THTPA: variants seen among roughly 807,000 people sequenced by gnomAD.
THTPA encodes thiamine-triphosphatase.
A neutral mutation model predicts 16.5 loss-of-function variants in THTPA; 16 were observed. The ratio of observed to expected loss-of-function variants is 0.97; its 90% confidence interval spans 0.66 to 1.47. The LOEUF (loss-of-function observed/expected upper bound fraction) is 1.47, where lower values mean the gene tolerates loss of function less well. Among genes scored for constraint, THTPA ranks in the 40% most tolerant of loss-of-function variants. The pLI, the probability that THTPA is intolerant of heterozygous loss-of-function variation, is 0.00. For missense variants in THTPA, 281 were observed against 280.9 expected (o/e 1.00, Z 0.00); for synonymous variants, 110 against 115.5 (o/e 0.95, Z 0.30).
At chr14:23,520,799 G>A in the THTPA span, 2 of 151,870 alleles carry the variant, frequency 1.3e-5, no homozygotes, top group South Asian at 2.1e-4. The surrounding 1 kb of genome is among the most constrained non-coding windows in gnomAD (Gnocchi z 8.7). Flanking sequence ...TTAAACCGGG[G>A]GGGTGGGGGT....
At chr14:23,549,354 T>C in the THTPA span, among the ~76,000 whole-genome samples, 3 of 152,120 alleles carry the variant, frequency 2.0e-5, no homozygotes, top group East Asian at 5.8e-4. Context: ...TCTGAAATCG[T>C]CCATCTTCTG....
At chr14:23,528,898 G>A in the THTPA span, 1 of 924,532 alleles carries the variant, frequency 1.1e-6, no homozygotes, top group Non-Finnish European at 1.3e-6. Flanking sequence ...TGTGTGTCAG[G>A]GAGGGGATGA....
the THTPA span, among the ~76,000 whole-genome samples, chr14:23,517,372 T>G: frequency 2.0e-5 from 3 of 152,178 alleles, no homozygotes; most frequent in African/African-American, 7.2e-5. Flanking sequence ...CTTCATCTGA[T>G]CTTTTTATAA....
At chr14:23,524,576 C>T in the THTPA span, 18 of 1,534,366 alleles carry the variant, frequency 1.2e-5, no homozygotes, top group South Asian at 6.0e-5. This position sits in a 1 kb window ranked among gnomAD's most constrained non-coding sequence, Gnocchi z 5.6. Context: ...GAAATGTAGT[C>T]GGCGGTGACT....
At chr14:23,520,702 G>A in the THTPA span, among the ~76,000 whole-genome samples, 13 of 151,856 alleles carry the variant, frequency 8.6e-5, no homozygotes, top group Middle Eastern at 3.4e-3. This position sits in a 1 kb window ranked among gnomAD's most constrained non-coding sequence, Gnocchi z 8.7. Context: ...GGGCTGCACC[G>A]GCATCGGCCC....
At position 23,559,958 on chromosome 14, in the gene THTPA, TGAAGAGCTGGGTGATAG is replaced by T. The variant is rs1349663747; in HGVS notation, c.*1123_*1139del. The T allele has an allele frequency of 6.2e-7, 1 of 1,613,386 alleles. No homozygotes were observed. Among genetic ancestry groups the T allele is most frequent in the South Asian group, 1.1e-5 (1 of 90,974 alleles). ...CTCACCTTGTTAGGATTGAGGATTCTGAAGAGCTGGGTGATAGGAAGGCCACCCCGAGCTGGAACTGT... is the reference window on the plus strand; with the variant it reads ...CTCACCTTGTTAGGATTGAGGATTCTGAAGGCCACCCCGAGCTGGAACTGT... On this transcript the variant is annotated 3_prime_UTR_variant, in exon 2 of 2. Coordinates refer to ENST00000288014, the MANE Select transcript of THTPA (RefSeq NM_024328.6).
chr14:23,516,532 C>T, the THTPA span, among the ~76,000 whole-genome samples: 3 of 152,220 alleles, frequency 2.0e-5, no homozygotes, highest in Admixed American at 6.5e-5. Flanking sequence ...ACTCTTTCTT[C>T]ACCCACAGAT....
chr14:23,558,664 A>G (rs1204333516), intron 1 of THTPA, 31 bp from the exon 2 acceptor site: 2 of 1,613,614 alleles, frequency 1.2e-6, no homozygotes, highest in African/African-American at 1.3e-5. Context: ...GGCTCTGTCC[A>G]TTTCTCTCCT....
At chr14:23,526,471 G>A in the THTPA span, 2 of 1,536,134 alleles carry the variant, frequency 1.3e-6, no homozygotes, top group Non-Finnish European at 1.7e-6. Flanking sequence ...CTGCAGAGCG[G>A]AGCTCCCCAG....
the THTPA span, chr14:23,535,418 A>AC: frequency 7.2e-7 from 1 of 1,382,332 alleles, no homozygotes; most frequent in Non-Finnish European, 9.4e-7. The surrounding 1 kb of genome is among the most constrained non-coding windows in gnomAD (Gnocchi z 4.5). Context: ...GGCTGCAGGG[A>AC]CCCCAGCTGG....
At chr14:23,530,545 C>T in the THTPA span, 1 of 482,498 alleles carries the variant, frequency 2.1e-6, no homozygotes, top group Admixed American at 2.8e-5. Context: ...AGGAGGGGCA[C>T]TGAAGAAGGA....
the THTPA span, among the ~76,000 whole-genome samples, chr14:23,538,542 C>T: frequency 5.3e-5 from 8 of 152,134 alleles, no homozygotes; most frequent in Non-Finnish European, 1.0e-4. Flanking sequence ...TAAGAGTCAT[C>T]CCCTCCTGCC....
At chr14:23,522,644 A>G in the THTPA span, 1 of 1,536,168 alleles carries the variant, frequency 6.5e-7, no homozygotes, top group African/African-American at 1.4e-5. Context: ...TGGAAAGGGC[A>G]GGAACTGGCC....
chr14:23,523,936 A>G, the THTPA span: 2 of 1,535,922 alleles, frequency 1.3e-6, no homozygotes, highest in Admixed American at 2.0e-5. This position sits in a 1 kb window ranked among gnomAD's most constrained non-coding sequence, Gnocchi z 4.1. Context: ...CACTGGGTGG[A>G]GGGGGAGGTA....
At chr14:23,521,388 G>C in the THTPA span, 3 of 152,458 alleles carry the variant, frequency 2.0e-5, no homozygotes, top group Admixed American at 6.5e-5. Flanking sequence ...TTTGGAAAGA[G>C]TTTGTGAGCG....
the THTPA span, chr14:23,524,536 G>A: frequency 2.8e-5 from 42 of 1,527,254 alleles, no homozygotes; most frequent in Admixed American, 7.9e-5. This position sits in a 1 kb window ranked among gnomAD's most constrained non-coding sequence, Gnocchi z 5.6. Flanking sequence ...CTAGGAGTTG[G>A]GGGGGAGCAC....
chr14:23,523,533 T>A, the THTPA span: 1 of 1,536,368 alleles, frequency 6.5e-7, no homozygotes, highest in African/African-American at 1.4e-5. This position sits in a 1 kb window ranked among gnomAD's most constrained non-coding sequence, Gnocchi z 4.1. Flanking sequence ...AGGCCCTCAC[T>A]GCTGCCCCCA....
the THTPA span, chr14:23,538,184 ACT>A: frequency 8.5e-5 from 13 of 152,182 alleles, no homozygotes; most frequent in Admixed American, 3.3e-4. Flanking sequence ...TGTAGGTGAG[ACT>A]CTGATCGGCC....
At chr14:23,524,953 T>G in the THTPA span, 1 of 1,536,260 alleles carries the variant, frequency 6.5e-7, no homozygotes, top group East Asian at 2.4e-5. The surrounding 1 kb of genome is among the most constrained non-coding windows in gnomAD (Gnocchi z 5.6). Flanking sequence ...CAGTGCCTCC[T>G]CCGGTTGGCA....
Sources: gnomAD v4.1 joint callset for allele counts (sites outside exome capture counted in the v4.1 genomes callset) on GRCh38, gnomAD v4.1.1 for gene constraint, Gnocchi (gnomAD v3.1) non-coding constraint, MANE v1.5 for transcripts, NCBI Gene and HGNC (gene_info 2026-07-23, HGNC 2026-07-21) for gene names.